BABAM2: variants seen among roughly 807,000 people sequenced by gnomAD.
The protein encoded by BABAM2 is BRISC and BRCA1-A complex member 2.
In BABAM2, 31 loss-of-function variants were observed where a neutral mutation model predicts 54.7. The ratio of observed to expected loss-of-function variants is 0.57; its 90% CI spans 0.43 to 0.77. The LOEUF (loss-of-function observed/expected upper bound fraction) is 0.77. Among genes scored for constraint, BABAM2 ranks in the 30% least tolerant of loss-of-function variants. The pLI is 0.00. For missense variants in BABAM2, 364 were observed against 455.8 expected, an observed-to-expected ratio of 0.80 and a Z score of 1.83; for synonymous variants, 167 against 162.9, an observed-to-expected ratio of 1.03 and a Z score of -0.19.
intron 2 of BABAM2, chr2:27,896,109 G>A (rs1354181750): frequency 6.6e-6 from 1 of 152,050 alleles, no homozygotes; most frequent in Admixed American, 6.6e-5. Context: ...GGGAAGCATA[G>A]GTATTGGACA....
chr2:28,224,701 A>G (rs113484093), intron 7 of BABAM2, among the ~76,000 whole-genome samples: 11 of 152,244 alleles, frequency 7.2e-5, no homozygotes, highest in African/African-American at 2.2e-4. Flanking sequence ...TAAGGTTAAC[A>G]GTAAGAGCAA....
chr2:28,070,406 T>C (rs1314252631), intron 6 of BABAM2, among the ~76,000 whole-genome samples: 2 of 152,144 alleles, frequency 1.3e-5, no homozygotes, highest in Non-Finnish European at 2.9e-5. Flanking sequence ...ATGTCTCACC[T>C]CCAATGGCCA....
intron 5 of BABAM2, among the ~76,000 whole-genome samples, chr2:28,031,738 G>A (rs1676306743): frequency 6.6e-6 from 1 of 152,176 alleles, no homozygotes; most frequent in Non-Finnish European, 1.5e-5. Flanking sequence ...CTGAGGAAGG[G>A]AGTAACCAAG....
intron 7 of BABAM2, among the ~76,000 whole-genome samples, chr2:28,136,823 G>A (rs1471920576): frequency 6.6e-6 from 1 of 152,142 alleles, no homozygotes; most frequent in Non-Finnish European, 1.5e-5. Flanking sequence ...GGGATAAAGT[G>A]AAACTTGGCT....
intron 7 of BABAM2, among the ~76,000 whole-genome samples, chr2:28,178,593 T>A (rs1675272983): frequency 6.6e-6 from 1 of 151,190 alleles, no homozygotes; most frequent in African/African-American, 2.4e-5. Context: ...CTCAAGGAAC[T>A]AGAAAAGCAA....
At chr2:27,996,132 GT>G (rs756088491) in intron 4 of BABAM2, among the ~76,000 whole-genome samples, 3 of 152,146 alleles carry the variant, frequency 2.0e-5, no homozygotes, top group African/African-American at 4.8e-5. Context: ...ATGTGGTTCT[GT>G]TTTTGGTGTT....
intron 4 of BABAM2, chr2:28,016,463 C>A: frequency 7.8e-7 from 1 of 1,278,606 alleles, no homozygotes; most frequent in Middle Eastern, 1.9e-4. Flanking sequence ...ATAGGCTACC[C>A]ATTTGTCCCA....
At chr2:28,148,343 T>C (rs1264570963) in intron 7 of BABAM2, among the ~76,000 whole-genome samples, 1 of 152,176 alleles carries the variant, frequency 6.6e-6, no homozygotes, top group African/African-American at 2.4e-5. Flanking sequence ...TTTTTTCAAG[T>C]GCAGGCAGCC....
rs1428043958 is a variant in BABAM2, at chr2:28,062,268, A to C, written c.570+16469A>C. On this transcript the variant is annotated intron_variant, in intron 6 of 11. Coordinates refer to ENST00000379624, the MANE Select transcript of BABAM2 (RefSeq NM_199191.3). ...GCAGGAGTCCGTCTCAAAAAAAAAA[A>C]AAAAACAAAAAACCTGGCCGGGCAT... Among the ~76,000 whole-genome samples the C allele has an allele frequency of 5.3e-5, 8 of 151,182 alleles. No homozygotes were observed. In the East Asian group the frequency reaches 7.8e-4, roughly 15 times the overall value.
At chr2:28,046,674 A>C (rs897592357) in intron 6 of BABAM2, among the ~76,000 whole-genome samples, 1 of 152,172 alleles carries the variant, frequency 6.6e-6, no homozygotes, top group Non-Finnish European at 1.5e-5. Flanking sequence ...ATATTATACT[A>C]ATCAATAAAT....
At chr2:27,992,500 T>A (rs1377602229) in intron 4 of BABAM2, among the ~76,000 whole-genome samples, 1 of 152,280 alleles carries the variant, frequency 6.6e-6, no homozygotes, top group East Asian at 1.9e-4. Flanking sequence ...ACAGGTAGTA[T>A]ATAATTAAAA....
At chr2:27,901,706 C>T (rs1281373406) in intron 2 of BABAM2, among the ~76,000 whole-genome samples, 1 of 152,166 alleles carries the variant, frequency 6.6e-6, no homozygotes, top group African/African-American at 2.4e-5. Context: ...TAATTTTTGT[C>T]TATGGCCATA....
At chr2:28,097,896 C>G (rs964399110) in intron 6 of BABAM2, among the ~76,000 whole-genome samples, 1 of 152,186 alleles carries the variant, frequency 6.6e-6, no homozygotes, top group South Asian at 2.1e-4. Context: ...TCTGGCTTGT[C>G]GTGTCCACCC....
At chr2:28,014,984 CA>C (rs1208965573) in intron 4 of BABAM2, among the ~76,000 whole-genome samples, 1 of 152,190 alleles carries the variant, frequency 6.6e-6, no homozygotes, top group Non-Finnish European at 1.5e-5. Flanking sequence ...TGACATAACA[CA>C]TTCTAATGCT....
At chr2:28,276,191 A>T (rs1484965511) in intron 10 of BABAM2, among the ~76,000 whole-genome samples, 1 of 152,174 alleles carries the variant, frequency 6.6e-6, no homozygotes, top group East Asian at 1.9e-4. Flanking sequence ...AAGAATAAAG[A>T]GATGGTAAAA....
intron 7 of BABAM2, among the ~76,000 whole-genome samples, chr2:28,213,768 GTTTC>G (rs138089538): frequency 5.5e-4 from 84 of 151,826 alleles, no homozygotes; most frequent in South Asian, 4.4e-3. Context: ...TATTATTGTT[GTTTC>G]TTTCTTCCTT....
At chr2:28,333,197 T>G (rs1045615992) in intron 11 of BABAM2, among the ~76,000 whole-genome samples, 3 of 152,016 alleles carry the variant, frequency 2.0e-5, no homozygotes, top group African/African-American at 4.8e-5. Flanking sequence ...AAGAACCCTT[T>G]AAGGTAGGCA....
intron 4 of BABAM2, among the ~76,000 whole-genome samples, chr2:28,024,822 T>C (rs1675532896): frequency 6.6e-6 from 1 of 152,224 alleles, no homozygotes; most frequent in African/African-American, 2.4e-5. Flanking sequence ...GGATCTGAGT[T>C]GAATTACTTT....
chr2:28,313,210 A>T (rs910669241), intron 11 of BABAM2, among the ~76,000 whole-genome samples: 3 of 150,516 alleles, frequency 2.0e-5, no homozygotes, highest in Non-Finnish European at 4.4e-5. Flanking sequence ...GAGTCTAAAA[A>T]CCAAGTACTT....
Sources: allele counts gnomAD v4.1 joint callset (sites outside exome capture counted in the v4.1 genomes callset), GRCh38; gene constraint gnomAD v4.1.1; transcripts MANE v1.5; gene names NCBI Gene and HGNC (gene_info 2026-07-23, HGNC 2026-07-21).